The following ZNF18 variants were observed in gnomAD, a reference collection of about 807,000 sequenced individuals.
ZNF18 encodes the protein zinc finger protein 18, also known as heart development-specific gene 1 protein.
A neutral mutation model predicts 58.1 loss-of-function variants in ZNF18; 42 were observed. That is an observed-to-expected ratio of 0.72 (90% CI 0.56 to 0.93). ZNF18 has a LOEUF of 0.93. Ranked by LOEUF, ZNF18 falls within the 40% of genes least tolerant of loss-of-function variation. The pLI is 0.00. For missense variants in ZNF18, 540 were observed against 644.2 expected, an observed-to-expected ratio of 0.84 and a Z score of 1.75; for synonymous variants, 231 against 239.8, an observed-to-expected ratio of 0.96 and a Z score of 0.34.
chr17:11,990,683 T>C, intron 3 of ZNF18, 133 bp from the exon 4 acceptor site: 1 of 752,536 alleles, frequency 1.3e-6, no homozygotes, highest in Non-Finnish European at 2.2e-6. Flanking sequence ...ATTTCAAGAC[T>C]TGTGTTTATC....
the ZNF18 span, among the ~76,000 whole-genome samples, chr17:12,020,495 C>T: frequency 3.3e-5 from 5 of 152,186 alleles, no homozygotes; most frequent in Non-Finnish European, 7.3e-5. Flanking sequence ...TTCAGCTTTA[C>T]TATTCTGATT....
At chr17:11,998,922 C>T (rs1394341337), upstream of ZNF18, among the ~76,000 whole-genome samples, 4 of 151,336 alleles carry the variant, frequency 2.6e-5, no homozygotes, top group Admixed American at 1.3e-4. Flanking sequence ...GTGATCCACC[C>T]ACCTTGGCCT....
upstream of ZNF18, among the ~76,000 whole-genome samples, chr17:12,001,444 A>G (rs1325007793): frequency 6.6e-6 from 1 of 152,128 alleles, no homozygotes; most frequent in Non-Finnish European, 1.5e-5. Flanking sequence ...CCTGGCTAAC[A>G]TGGTGAAACC....
intron 3 of ZNF18, 98 bp from the exon 4 acceptor site, chr17:11,990,648 G>C: frequency 1.1e-6 from 1 of 915,940 alleles, no homozygotes; most frequent in South Asian, 1.5e-5. Context: ...AACAATACCT[G>C]AACAATACCT....
chr17:11,994,734 G>A (rs937281083), intron 1 of ZNF18, among the ~76,000 whole-genome samples: 2 of 152,092 alleles, frequency 1.3e-5, no homozygotes, highest in Non-Finnish European at 2.9e-5. Flanking sequence ...CCAGCTACTC[G>A]GGAGGCTGAG....
chr17:12,011,584 C>G, the ZNF18 span, among the ~76,000 whole-genome samples: 1 of 151,892 alleles, frequency 6.6e-6, no homozygotes, highest in Non-Finnish European at 1.5e-5. Flanking sequence ...TGGGGTTTCA[C>G]CATGTTGACC....
chr17:12,001,446 G>A (rs1312203397), upstream of ZNF18, among the ~76,000 whole-genome samples: 3 of 152,054 alleles, frequency 2.0e-5, no homozygotes, highest in African/African-American at 4.8e-5. Flanking sequence ...TGGCTAACAT[G>A]GTGAAACCCC....
At chr17:12,020,690 A>G in the ZNF18 span, 1 of 355,726 alleles carries the variant, frequency 2.8e-6, no homozygotes, top group Non-Finnish European at 5.0e-6. Context: ...TCGCGCACCC[A>G]GAGCCGGGCG....
the ZNF18 span, among the ~76,000 whole-genome samples, chr17:12,019,533 G>A: frequency 6.6e-6 from 1 of 152,138 alleles, no homozygotes; most frequent in Non-Finnish European, 1.5e-5. Flanking sequence ...TGGACTTGAA[G>A]ATATTGGGCA....
intron 4 of ZNF18, among the ~76,000 whole-genome samples, chr17:11,984,829 T>C (rs1967633011): frequency 1.3e-5 from 2 of 152,190 alleles, no homozygotes; most frequent in African/African-American, 4.8e-5. Context: ...TTTTTGTTTT[T>C]GTTTTTGTTT....
At chr17:11,998,946 G>C (rs1968610428), upstream of ZNF18, among the ~76,000 whole-genome samples, 1 of 151,464 alleles carries the variant, frequency 6.6e-6, no homozygotes, top group Admixed American at 6.6e-5. Context: ...AAAGTGCTGG[G>C]ATTACAGGCA....
chr17:11,990,484 G>C lies in ZNF18; in HGVS notation c.644C>G (p.Ser215Ter). ...RLIRDQDLGA[S>*]LLPAAPQEQW... ...CACCTGAGGTGCTGCTGGGAGCAGT[G>C]AGGCTCCGAGGTCCTGGTCTCTGAT... Residue 215 changes from serine to a stop codon, truncating the protein, a stop_gained, in exon 4 of 7, where the codon TCA becomes TGA. Transcript: ENST00000580306. LOFTEE classifies it high-confidence loss of function. The C allele has an allele frequency of 6.2e-7, 1 of 1,613,038 alleles. No homozygotes were observed. The highest frequency in any genetic ancestry group is 8.5e-7 in the Non-Finnish European group (1 of 1,179,784).
upstream of ZNF18, among the ~76,000 whole-genome samples, chr17:12,001,629 AAAAC>A (rs559517921): frequency 3.2e-3 from 479 of 151,942 alleles, no homozygotes; most frequent in Middle Eastern, 6.8e-3. Flanking sequence ...ACTCCGTCTC[AAAAC>A]AAACAAACAA....
At chr17:12,006,855 A>C in the ZNF18 span, among the ~76,000 whole-genome samples, 4 of 152,214 alleles carry the variant, frequency 2.6e-5, no homozygotes, top group East Asian at 7.7e-4. Context: ...AACATGATAA[A>C]AGTCTCAACT....
intron 6 of ZNF18, among the ~76,000 whole-genome samples, chr17:11,981,685 T>C (rs1049114522): frequency 5.3e-5 from 8 of 152,000 alleles, no homozygotes; most frequent in African/African-American, 1.9e-4. Flanking sequence ...GTGAGCTATA[T>C]ATAGCAAATA....
chr17:11,988,900 T>C (rs1967921241), intron 4 of ZNF18, among the ~76,000 whole-genome samples: 1 of 152,238 alleles, frequency 6.6e-6, no homozygotes, highest in East Asian at 1.9e-4. Context: ...GGCTCCCGCC[T>C]GTAATCCCAG....
At chr17:11,999,218 A>G (rs913580188), upstream of ZNF18, among the ~76,000 whole-genome samples, 3 of 152,232 alleles carry the variant, frequency 2.0e-5, no homozygotes, top group Non-Finnish European at 4.4e-5. Context: ...CAGTAATTCA[A>G]AACCATTAAT....
At chr17:12,015,133 A>C in the ZNF18 span, among the ~76,000 whole-genome samples, 3 of 152,216 alleles carry the variant, frequency 2.0e-5, no homozygotes, top group Admixed American at 1.3e-4. Context: ...ATAAAACTTA[A>C]ACACAATGAA....
the ZNF18 span, among the ~76,000 whole-genome samples, chr17:12,020,526 A>G: frequency 6.6e-6 from 1 of 152,196 alleles, no homozygotes; most frequent in African/African-American, 2.4e-5. Context: ...AGATTCCAAC[A>G]AAGTGGACTT....
Sources: gnomAD v4.1 joint callset for allele counts (sites outside exome capture counted in the v4.1 genomes callset) on GRCh38, gnomAD v4.1.1 for gene constraint, MANE v1.5 for transcripts, NCBI Gene and HGNC (gene_info 2026-07-23, HGNC 2026-07-21) for gene names.